Variants in NCAPD3 observed in about 807,000 individuals in gnomAD.
The protein encoded by NCAPD3 is condensin-2 complex subunit D3.
Under a neutral mutation model 182.9 loss-of-function variants are expected in NCAPD3, and 105 were observed. The observed-to-expected ratio is 0.57, with a 90% CI of 0.49 to 0.68. The LOEUF (loss-of-function observed/expected upper bound fraction) is 0.68. NCAPD3 is among the 30% of genes least tolerant of loss of function. The pLI is 0.00. For missense variants in NCAPD3, 1,944 were observed against 1,837.0 expected, an observed-to-expected ratio of 1.06 and a Z score of -1.07; for synonymous variants, 815 against 679.9, an observed-to-expected ratio of 1.20 and a Z score of -3.09.
At chr11:134,201,843 T>C (rs571516084) in intron 13 of NCAPD3, among the ~76,000 whole-genome samples, 36 of 152,356 alleles carry the variant, frequency 2.4e-4, no homozygotes, top group African/African-American at 8.4e-4. Flanking sequence ...ATTATAAATG[T>C]AGTTATCGCT....
At chr11:134,160,224 G>T in intron 28 of NCAPD3, 150 bp from the exon 29 acceptor site, 1 of 718,092 alleles carries the variant, frequency 1.4e-6, no homozygotes. Flanking sequence ...AAAGAAAAAA[G>T]CCCCCCAAGT....
intron 27 of NCAPD3, among the ~76,000 whole-genome samples, chr11:134,163,943 CAGAA>C (rs1263010926): frequency 3.4e-5 from 5 of 148,622 alleles, no homozygotes; most frequent in Admixed American, 2.7e-4. Flanking sequence ...TGGCCTGTGA[CAGAA>C]AGAAACCAGA....
In NCAPD3 at chr11:134,151,621, C is replaced by T. The variant is rs1466448171; in HGVS notation, c.*1323G>A. On this transcript the variant is annotated 3_prime_UTR_variant, in exon 35 of 35. Transcript: ENST00000534548. ...TTTAAGATATGAATGTGACTCAAGACTCGAGGCCGATACGAGGCTGTGATT... is the reference window on the plus strand; with the variant it reads ...TTTAAGATATGAATGTGACTCAAGATTCGAGGCCGATACGAGGCTGTGATT... 2.6e-5 allele frequency: 4 copies of T among 152,190 alleles called. No homozygotes were observed. Among genetic ancestry groups the T allele is most frequent in the African/African-American group, 9.7e-5 (4 of 41,434 alleles). 9.4% of individuals were successfully genotyped at this position (152,190 alleles called of 1,614,324 possible).
At chr11:134,223,318 G>C in intron 1 of NCAPD3, 1 of 666,166 alleles carries the variant, frequency 1.5e-6, no homozygotes, top group South Asian at 1.5e-5. Context: ...GGGCTGCCCT[G>C]AGACACCTCA....
chr11:134,165,536 G>A (rs562929121), intron 27 of NCAPD3, among the ~76,000 whole-genome samples: 2 of 146,548 alleles, frequency 1.4e-5, no homozygotes, highest in Admixed American at 1.4e-4. Context: ...TGTGAGATGA[G>A]CTTAGGGGAG....
At chr11:134,216,789 G>T in intron 3 of NCAPD3, 147 bp downstream of exon 3, 1 of 691,034 alleles carries the variant, frequency 1.4e-6, no homozygotes, top group Non-Finnish European at 2.2e-6. Context: ...ATGTACTTTA[G>T]AGACTTGCTC....
At chr11:134,223,162 G>A (rs1401012637) in intron 1 of NCAPD3, 11 of 528,138 alleles carry the variant, frequency 2.1e-5, no homozygotes, top group Non-Finnish European at 3.4e-5. Flanking sequence ...AGGTGTACAG[G>A]CTTGACACAT....
At position 134,168,631 on chromosome 11, in the gene NCAPD3, A is replaced by C. The variant is rs558792531; in HGVS notation, c.3240-29T>G. On this transcript the variant is annotated intron_variant, in intron 25 of 34. Transcript: ENST00000534548. ...TGGCAGAACGGGACAAGTTCACTGCATCACATGGGCACGGGTGTAAGGGAT... is the reference window on the plus strand; with the variant it reads ...TGGCAGAACGGGACAAGTTCACTGCCTCACATGGGCACGGGTGTAAGGGAT... 7.4e-6 allele frequency: 12 copies of C among 1,613,578 alleles called. No homozygotes were observed. In the South Asian group the frequency reaches 1.2e-4, roughly 16 times the overall value.
intron 19 of NCAPD3, among the ~76,000 whole-genome samples, chr11:134,181,772 G>A (rs1591840207): frequency 6.6e-6 from 1 of 152,150 alleles, no homozygotes; most frequent in East Asian, 1.9e-4. Context: ...TTTTCTGTAG[G>A]AAACCATTCC....
chr11:134,167,199 TAGGG>T (rs1203810150), intron 27 of NCAPD3, among the ~76,000 whole-genome samples: 1 of 99,394 alleles, frequency 1.0e-5, no homozygotes, highest in Non-Finnish European at 1.9e-5. Context: ...GAGATGAGCT[TAGGG>T]AGAGCAGCAC....
chr11:134,203,657 T>C lies in NCAPD3; in HGVS notation c.1465A>G (p.Asn489Asp). ...ASESILELLI[N>D]SPTFSVIESH... ...TCCCAATAGTCGCCATACTCACTGT[T>C]AATCAGGAGCTCCAGGATACTCTCC... The change falls in exon 11 of 35, where the codon AAC becomes GAC. Residue 489 changes from asparagine to aspartate, a missense_variant. By Grantham distance (23) the Asn-to-Asp change is conservative. Around this residue, in one of 3 missense-constraint regions of NCAPD3, gnomAD observed 1,803 missense variants for 1,674.6 expected, o/e 1.08. Transcript: ENST00000534548. 1 of 1,611,910 alleles carries C rather than the reference T, an allele frequency of 6.2e-7. No homozygotes were observed. The highest frequency in any genetic ancestry group is 8.5e-7 in the Non-Finnish European group (1 of 1,179,860).
At chr11:134,161,408 A>C (rs892211842) in intron 28 of NCAPD3, among the ~76,000 whole-genome samples, 2 of 152,148 alleles carry the variant, frequency 1.3e-5, no homozygotes, top group African/African-American at 4.8e-5. Flanking sequence ...GTCAGTGCAA[A>C]AGGTAAGCAC....
At chr11:134,222,932 T>A (rs546489790) in intron 1 of NCAPD3, among the ~76,000 whole-genome samples, 99 of 152,338 alleles carry the variant, frequency 6.5e-4, no homozygotes, top group Non-Finnish European at 1.1e-3. Context: ...AGGTAGATAT[T>A]GTACTCCCCA....
rs941156691 is a variant in NCAPD3 at position 134,168,065 on chromosome 11, A to G, written c.3504T>C (p.Leu1168=). ...AMRSKPDKDL[L]MEEDDMALAN... is the part of the protein sequence containing the mutation. ...CCAAGGCCATGTCATCTTCTTCCAT[A>G]AGGAGGTCTTTGTCTGGTTTAGATC... The change falls in exon 27 of 35, where the codon CTT becomes CTC. Residue 1168 remains leucine (L), a synonymous_variant. Transcript: ENST00000534548. 6 of 1,614,140 alleles carry G rather than the reference A, an allele frequency of 3.7e-6. No individual in the cohort carries two copies. The highest frequency in any genetic ancestry group is 2.7e-5 in the African/African-American group (2 of 75,038).
chr11:134,176,937 T>C (rs909733273), intron 23 of NCAPD3, among the ~76,000 whole-genome samples: 2 of 152,236 alleles, frequency 1.3e-5, no homozygotes, highest in Non-Finnish European at 2.9e-5. Flanking sequence ...CTAGAACTAC[T>C]TGTCTACTGA....
At chr11:134,158,200 A>G (rs1233463362) in intron 30 of NCAPD3, 129 bp downstream of exon 30, 3 of 1,518,190 alleles carry the variant, frequency 2.0e-6, no homozygotes, top group Admixed American at 1.8e-5. Flanking sequence ...CCCAGGGCAC[A>G]GTGTGGAGCG....
At chr11:134,158,297 C>T (rs756347760) in intron 30 of NCAPD3, 32 bp downstream of exon 30, 5 of 1,611,272 alleles carry the variant, frequency 3.1e-6, no homozygotes, top group Non-Finnish European at 4.2e-6. Flanking sequence ...CACAGAGAAC[C>T]AGCCCTGATG....
upstream of NCAPD3, chr11:134,225,422 T>C (rs553910399): frequency 7.0e-7 from 1 of 1,424,398 alleles, no homozygotes; most frequent in African/African-American, 1.4e-5. Flanking sequence ...GCCCAGCTCC[T>C]CCGGCGAGGC....
At chr11:134,196,072 G>C (rs1047219352) in intron 13 of NCAPD3, among the ~76,000 whole-genome samples, 2 of 152,100 alleles carry the variant, frequency 1.3e-5, no homozygotes, top group African/African-American at 4.8e-5. Context: ...TCCTTGATAA[G>C]ATCAACAAAA....
Sources: gnomAD v4.1 joint callset for allele counts (sites outside exome capture counted in the v4.1 genomes callset) on GRCh38, gnomAD v4.1.1 for gene constraint, gnomAD v4.1.1 regional missense constraint, MANE v1.5 for transcripts, NCBI Gene and HGNC (gene_info 2026-07-23, HGNC 2026-07-21) for gene names.